The following CEMIP variants were observed in gnomAD, a reference collection of about 807,000 sequenced individuals.
The protein encoded by CEMIP is cell migration inducing hyaluronidase 1, also known as cell migration-inducing and hyaluronan-binding protein.
In CEMIP, 105 loss-of-function variants were observed where a neutral mutation model predicts 156.9. That is an observed-to-expected ratio of 0.67 (90% CI 0.57 to 0.79). CEMIP has a LOEUF of 0.79. Among genes scored for constraint, CEMIP ranks in the 30% least tolerant of loss-of-function variants. The pLI is 0.00. For synonymous variants in CEMIP, 676 were observed against 668.4 expected (o/e 1.01, Z -0.17); for missense variants, 1,457 against 1,769.4 (o/e 0.82, Z 3.17).
intron 1 of CEMIP, among the ~76,000 whole-genome samples, chr15:80,781,049 A>G (rs951418771): frequency 6.6e-6 from 1 of 152,122 alleles, no homozygotes; most frequent in African/African-American, 2.4e-5. Context: ...CTATGACACC[A>G]CGGAGACCCC....
chr15:80,900,119 G>A (rs1007845458), intron 12 of CEMIP, among the ~76,000 whole-genome samples: 4 of 152,202 alleles, frequency 2.6e-5, no homozygotes, highest in Admixed American at 6.5e-5. Context: ...AGGCCTGCAC[G>A]GGAGTTCTCA....
intron 21 of CEMIP, among the ~76,000 whole-genome samples, chr15:80,931,134 C>T (rs2038746002): frequency 6.6e-6 from 1 of 152,204 alleles, no homozygotes; most frequent in African/African-American, 2.4e-5. Flanking sequence ...AGCCTGTTGC[C>T]GCTTCCCACC....
chr15:80,931,834 A>C (rs1459990244), intron 21 of CEMIP, 25 bp from the exon 22 acceptor site: 1 of 1,608,044 alleles, frequency 6.2e-7, no homozygotes, highest in East Asian at 2.2e-5. Context: ...ATTTAGACTG[A>C]CATCTTACTT....
At chr15:80,800,913 G>C (rs1896359184) in intron 1 of CEMIP, among the ~76,000 whole-genome samples, 1 of 152,220 alleles carries the variant, frequency 6.6e-6, no homozygotes, top group African/African-American at 2.4e-5. Context: ...TTGGGGCCCA[G>C]GGCCTACCGT....
intron 10 of CEMIP, among the ~76,000 whole-genome samples, chr15:80,890,051 A>C (rs559763755): frequency 6.6e-6 from 1 of 152,322 alleles, no homozygotes; most frequent in Admixed American, 6.5e-5. Flanking sequence ...GTTTGCTCAA[A>C]ATCTTCACTT....
At chr15:80,920,359 T>C in intron 15 of CEMIP, 60 bp downstream of exon 15, 1 of 1,480,602 alleles carries the variant, frequency 6.8e-7, no homozygotes, top group South Asian at 1.2e-5. Context: ...TGTGTGCATG[T>C]GTTCACTCAG....
At chr15:80,925,806 TCCCCTAGC>T (rs1388588191) in intron 19 of CEMIP, 51 bp downstream of exon 19, 3 of 1,593,488 alleles carry the variant, frequency 1.9e-6, no homozygotes, top group Non-Finnish European at 2.6e-6. Context: ...TGGCGCGTCT[TCCCCTAGC>T]CCCCTACAGA....
intron 1 of CEMIP, among the ~76,000 whole-genome samples, chr15:80,794,382 G>C (rs1431104750): frequency 6.6e-6 from 1 of 152,148 alleles, no homozygotes; most frequent in Non-Finnish European, 1.5e-5. Flanking sequence ...GAGGCTGCTA[G>C]GCTCTGGGGA....
chr15:80,935,481 T>A (rs542153299), intron 23 of CEMIP, among the ~76,000 whole-genome samples: 11 of 152,356 alleles, frequency 7.2e-5, no homozygotes, highest in African/African-American at 2.6e-4. Flanking sequence ...ATATTTTCCC[T>A]TCACTTTACA....
intron 19 of CEMIP, among the ~76,000 whole-genome samples, chr15:80,926,507 G>A (rs1225537160): frequency 6.6e-6 from 1 of 152,074 alleles, no homozygotes; most frequent in Admixed American, 6.5e-5. Flanking sequence ...AAGGTGAAAG[G>A]GAACAAGAGA....
chr15:80,829,078 T>A (rs1475595686), intron 1 of CEMIP, among the ~76,000 whole-genome samples: 2 of 152,126 alleles, frequency 1.3e-5, no homozygotes, highest in Non-Finnish European at 2.9e-5. Context: ...CCCAGAGGGA[T>A]TCCCAAACCC....
chr15:80,843,951 C>A (rs773031058), intron 1 of CEMIP, among the ~76,000 whole-genome samples: 1 of 152,238 alleles, frequency 6.6e-6, no homozygotes, highest in African/African-American at 2.4e-5. Context: ...CCAGTCATTG[C>A]CCGAGGCTTC....
intron 14 of CEMIP, 127 bp from the exon 15 acceptor site, chr15:80,919,967 T>A: frequency 1.1e-6 from 1 of 879,952 alleles, no homozygotes; most frequent in Non-Finnish European, 1.9e-6. Context: ...AATGAGCACA[T>A]GAGACTATTT....
rs1458719655 is a variant in CEMIP at position 80,884,368 on chromosome 15, C to T, written c.797+14C>T. The T allele has an allele frequency of 6.2e-7, 1 of 1,613,746 alleles. No individual in the cohort carries two copies. Among genetic ancestry groups the T allele is most frequent in the Non-Finnish European group, 8.5e-7 (1 of 1,179,888 alleles). Reference sequence around the variant, plus strand: ...CCTTGGATTTAGGTACTGCCCCTCACTTCGGCTTCCACTGGGCTCTGGAAC... The same window carrying T: ...CCTTGGATTTAGGTACTGCCCCTCATTTCGGCTTCCACTGGGCTCTGGAAC... On this transcript the variant is annotated intron_variant, in intron 7 of 29. Transcript: ENST00000394685.
intron 1 of CEMIP, among the ~76,000 whole-genome samples, chr15:80,814,170 T>TCCCCAG (rs1896736955): frequency 6.8e-6 from 1 of 146,696 alleles, no homozygotes; most frequent in Admixed American, 7.0e-5. Context: ...TGCCTCAGCC[T>TCCCCAG]CCCCAGTAGC....
Position 80,878,746 on chromosome 15 carries a change from C to T in CEMIP, c.120C>T (p.Ser40=). The T allele has an allele frequency of 6.2e-7, 1 of 1,614,152 alleles. No homozygotes were observed. Among genetic ancestry groups the T allele is most frequent in the Non-Finnish European group, 8.5e-7 (1 of 1,180,038 alleles). ...STVAAGCPDQ[S]PELQPWNPGH... is the part of the protein sequence containing the mutation. ...TGGCTGCTGGGTGCCCTGACCAGAG[C>T]CCTGAGTTGCAACCCTGGAACCCTG... The change falls in exon 4 of 30, where the codon AGC becomes AGT. Residue 40 remains serine, a synonymous_variant. Transcript: ENST00000394685.
chr15:80,933,479 G>C lies in CEMIP; in HGVS notation c.3009+19G>C. 1 of 1,600,294 alleles carries C rather than the reference G, an allele frequency of 6.2e-7. No individual in the cohort carries two copies. ...TGCACAGGTGGGGACACCATTCTGG[G>C]GGCCGGCCACTCACTTATTCACTCA... On this transcript the variant is annotated intron_variant, in intron 23 of 29. Coordinates refer to ENST00000394685, the MANE Select transcript of CEMIP (RefSeq NM_001293298.2).
chr15:80,805,092 G>A (rs147806344), intron 1 of CEMIP, among the ~76,000 whole-genome samples: 4 of 152,078 alleles, frequency 2.6e-5, no homozygotes, highest in Non-Finnish European at 5.9e-5. Flanking sequence ...CTCCCACCAG[G>A]TCTCACAACC....
chr15:80,931,938 C>G lies in CEMIP; in HGVS notation c.2692C>G (p.Leu898Val), dbSNP rs1299205831. 3.7e-6 allele frequency: 6 copies of G among 1,614,132 alleles called. No individual in the cohort carries two copies. The Admixed American group carries it at 1.0e-4, about 27-fold the overall frequency. The change falls in exon 22 of 30, where the codon CTG becomes GTG. Residue 898 changes from leucine to valine, a missense_variant. Leu to Val is a conservative substitution (Grantham distance 32, BLOSUM62 1). Transcript: ENST00000394685. ...CTGCACTTTCCGAAAGTTTGTGGCC[C>G]TGGAGGGCCGGCACACCAGCGCCCT... is the stretch of plus-strand genomic sequence containing the variant. The part of the protein sequence containing the change: ...QNCTFRKFVA[L>V]EGRHTSALAF...
Sources: allele counts gnomAD v4.1 joint callset (sites outside exome capture counted in the v4.1 genomes callset), GRCh38; gene constraint gnomAD v4.1.1; transcripts MANE v1.5; gene names NCBI Gene and HGNC (gene_info 2026-07-23, HGNC 2026-07-21).